RFX4: variants seen among roughly 807,000 people sequenced by gnomAD.
RFX4 encodes the protein transcription factor RFX4.
In RFX4, 10 loss-of-function variants were observed where a neutral mutation model predicts 95.0. The ratio of observed to expected loss-of-function variants is 0.11; its 90% CI spans 0.06 to 0.18. The LOEUF (loss-of-function observed/expected upper bound fraction) is 0.18, where lower values mean the gene tolerates loss of function less well. Ranked by LOEUF, RFX4 falls within the 10% of genes least tolerant of loss-of-function variation. The probability of loss-of-function intolerance (pLI) is 1.00; values close to 1 mark genes in which losing one functional copy is unlikely to be tolerated. For synonymous variants in RFX4, 321 were observed against 340.7 expected, an observed-to-expected ratio of 0.94 and a Z score of 0.64; for missense variants, 640 against 922.0, an observed-to-expected ratio of 0.69 and a Z score of 3.96.
intron 3 of RFX4, 37 bp from the exon 4 acceptor site, chr12:106,654,191 A>G (rs1232889739): frequency 6.2e-7 from 1 of 1,613,430 alleles, no homozygotes; most frequent in South Asian, 1.1e-5. Flanking sequence ...TGGGGAAGGT[A>G]ACACATTTTT....
chr12:106,730,238 G>C (rs556024748), intron 13 of RFX4, among the ~76,000 whole-genome samples: 2 of 152,300 alleles, frequency 1.3e-5, no homozygotes, highest in South Asian at 4.1e-4. Flanking sequence ...GCCAGGTGCA[G>C]TTAAGGAGAA....
At chr12:106,685,151 AC>A (rs1220493298) in intron 5 of RFX4, among the ~76,000 whole-genome samples, 1 of 152,188 alleles carries the variant, frequency 6.6e-6, no homozygotes, top group Admixed American at 6.5e-5. Flanking sequence ...CTCTAGACGT[AC>A]TAAATAGGAG....
At chr12:106,681,392 T>C (rs570819471) in intron 4 of RFX4, among the ~76,000 whole-genome samples, 2 of 152,306 alleles carry the variant, frequency 1.3e-5, no homozygotes, top group East Asian at 3.9e-4. Context: ...TACTCCACAC[T>C]GGCTGGTCTG....
chr12:106,756,847 T>G (rs539196508), intron 17 of RFX4, among the ~76,000 whole-genome samples: 1 of 152,324 alleles, frequency 6.6e-6, no homozygotes, highest in East Asian at 1.9e-4. Context: ...ATAATTAAGA[T>G]CTGTCTCCCT....
intron 4 of RFX4, among the ~76,000 whole-genome samples, chr12:106,655,869 T>C (rs1282734526): frequency 6.6e-6 from 1 of 152,238 alleles, no homozygotes; most frequent in Non-Finnish European, 1.5e-5. Context: ...CCATGTGCGA[T>C]TACAACTGTT....
intron 2 of RFX4, among the ~76,000 whole-genome samples, chr12:106,611,989 T>C (rs1403264252): frequency 2.0e-5 from 3 of 152,256 alleles, no homozygotes; most frequent in African/African-American, 7.2e-5. Flanking sequence ...TGTCTGTCTT[T>C]ATGACAGAAC....
intron 3 of RFX4, among the ~76,000 whole-genome samples, chr12:106,641,386 T>C (rs561498388): frequency 5.3e-5 from 8 of 152,266 alleles, no homozygotes; most frequent in African/African-American, 1.4e-4. Context: ...GTCATGAAGA[T>C]GAAATGAGTT....
chr12:106,671,946 G>A (rs570536056), intron 4 of RFX4, among the ~76,000 whole-genome samples: 1 of 152,256 alleles, frequency 6.6e-6, no homozygotes, highest in East Asian at 1.9e-4. Context: ...ACAGGCATGA[G>A]CCACCACACC....
intron 4 of RFX4, among the ~76,000 whole-genome samples, chr12:106,655,345 GATGTTTTTTTAAAAGTCAGTGGAGA>G (rs2040935738): frequency 1.3e-5 from 2 of 152,156 alleles, no homozygotes; most frequent in South Asian, 4.1e-4. Flanking sequence ...AAGTGAAAGG[GATGTTTTTTTAAAAGTCAGTGGAGA>G]AACTACCTTT....
Position 106,696,359 on chromosome 12 carries a change from T to C in RFX4, c.746T>C (p.Val249Ala). Residue 249 changes from valine (V) to alanine (A), a missense_variant, in exon 8 of 18, where the codon GTG becomes GCG. By Grantham distance (64) the Val-to-Ala change is moderately conservative (BLOSUM62 0). Coordinates refer to ENST00000392842, the MANE Select transcript of RFX4 (RefSeq NM_213594.3). ...MLPVLGSSTV[V>A]NIVGVCDSIL... ...CCTGTGCTGGGCTCCTCCACGGTGG[T>C]GAACATTGTCGGCGTGTGTGACTCC... 1 of 1,614,132 alleles carries C rather than the reference T, an allele frequency of 6.2e-7. No individual in the cohort carries two copies. Among genetic ancestry groups the C allele is most frequent in the East Asian group, 2.2e-5 (1 of 44,884 alleles).
At chr12:106,750,537 A>T in intron 16 of RFX4, 118 bp from the exon 17 acceptor site, 2 of 1,083,368 alleles carry the variant, frequency 1.8e-6, no homozygotes, top group African/African-American at 1.6e-5. Flanking sequence ...AGGGGGGAAG[A>T]AAAGAAAAGA....
At chr12:106,747,888 G>A (rs1024475766) in intron 16 of RFX4, among the ~76,000 whole-genome samples, 5 of 148,358 alleles carry the variant, frequency 3.4e-5, no homozygotes, top group South Asian at 2.1e-4. Flanking sequence ...AGATCGCACC[G>A]CTGAACTCCA....
At chr12:106,631,467 C>T (rs1265270719) in intron 2 of RFX4, among the ~76,000 whole-genome samples, 1 of 152,196 alleles carries the variant, frequency 6.6e-6, no homozygotes, top group Non-Finnish European at 1.5e-5. Flanking sequence ...GAAACTCTAA[C>T]CCCCTATGTG....
chr12:106,624,377 C>T (rs1019672877), intron 2 of RFX4, among the ~76,000 whole-genome samples: 8 of 152,086 alleles, frequency 5.3e-5, no homozygotes, highest in South Asian at 4.1e-4. Flanking sequence ...CAGGCTGGAG[C>T]GCAGTGTCGC....
chr12:106,732,042 C>T (rs2042622110), intron 13 of RFX4, 88 bp from the exon 14 acceptor site: 5 of 1,544,194 alleles, frequency 3.2e-6, no homozygotes, highest in South Asian at 2.4e-5. Context: ...GCATTTAGAA[C>T]ACTGTGTAAC....
At chr12:106,629,520 A>T (rs916039403) in intron 2 of RFX4, among the ~76,000 whole-genome samples, 3 of 151,994 alleles carry the variant, frequency 2.0e-5, no homozygotes, top group African/African-American at 7.3e-5. Context: ...TTGCTCTGTT[A>T]CCCAGGCTGG....
At chr12:106,618,662 A>G (rs181180292) in intron 2 of RFX4, among the ~76,000 whole-genome samples, 1 of 152,154 alleles carries the variant, frequency 6.6e-6, no homozygotes, top group African/African-American at 2.4e-5. Context: ...AGTTTAGTAA[A>G]GTTTTTCACT....
intron 7 of RFX4, chr12:106,693,051 TC>T: frequency 2.5e-6 from 1 of 395,658 alleles, no homozygotes; most frequent in South Asian, 1.9e-5. Context: ...TTCTCTCCTT[TC>T]CCTCACCCTT....
intron 15 of RFX4, among the ~76,000 whole-genome samples, chr12:106,743,936 CTTTG>C (rs1480102839): frequency 6.6e-6 from 1 of 152,158 alleles, no homozygotes; most frequent in Non-Finnish European, 1.5e-5. Flanking sequence ...CAACTCTAAA[CTTTG>C]TTTAATGTAT....
Sources: allele counts gnomAD v4.1 joint callset (sites outside exome capture counted in the v4.1 genomes callset), GRCh38; gene constraint gnomAD v4.1.1; transcripts MANE v1.5; gene names NCBI Gene and HGNC (gene_info 2026-07-23, HGNC 2026-07-21).